The following CNTN5 variants were observed in gnomAD, a reference collection of about 807,000 sequenced individuals.
The protein encoded by CNTN5 is contactin 5.
Under a neutral mutation model 129.1 loss-of-function variants are expected in CNTN5, and 77 were observed. That is an observed-to-expected ratio of 0.60 (90% confidence interval 0.50 to 0.72). CNTN5 has a LOEUF of 0.72. CNTN5 is among the 30% of genes least tolerant of loss of function. The pLI is 0.00. For missense variants in CNTN5, 1,478 were observed against 1,328.8 expected, an observed-to-expected ratio of 1.11 and a Z score of -1.75; for synonymous variants, 509 against 465.6, an observed-to-expected ratio of 1.09 and a Z score of -1.20.
At chr11:99,036,071 T>G (rs1480896341) in intron 1 of CNTN5, among the ~76,000 whole-genome samples, 1 of 152,220 alleles carries the variant, frequency 6.6e-6, no homozygotes, top group Non-Finnish European at 1.5e-5. Context: ...TTGAAAATTC[T>G]TTTCTTTGAG....
At chr11:99,047,380 G>T (rs536341266) in intron 1 of CNTN5, among the ~76,000 whole-genome samples, 2 of 128,992 alleles carry the variant, frequency 1.6e-5, no homozygotes, top group Non-Finnish European at 1.6e-5. Context: ...TTGAATTTTG[G>T]CAAAAAAAAA....
At chr11:99,770,303 A>T (rs1398581824) in intron 3 of CNTN5, among the ~76,000 whole-genome samples, 1 of 152,162 alleles carries the variant, frequency 6.6e-6, no homozygotes, top group Non-Finnish European at 1.5e-5. Context: ...GGTACATTCA[A>T]AGAAGTCTCA....
chr11:99,073,373 G>GTTTTTTTTTTTT (rs1491116506), intron 1 of CNTN5, among the ~76,000 whole-genome samples: 2 of 87,330 alleles, frequency 2.3e-5, no homozygotes, highest in African/African-American at 8.2e-5. Flanking sequence ...TTTATGGTTT[G>GTTTTTTTTTTTT]GTTTTTTTTT....
intron 2 of CNTN5, among the ~76,000 whole-genome samples, chr11:99,446,926 T>A (rs1591072732): frequency 6.6e-6 from 1 of 152,192 alleles, no homozygotes; most frequent in Non-Finnish European, 1.5e-5. Context: ...TCTCCCCCTA[T>A]TTTTCTGGGC....
At chr11:99,534,256 A>G (rs960556690) in intron 2 of CNTN5, among the ~76,000 whole-genome samples, 13 of 152,210 alleles carry the variant, frequency 8.5e-5, no homozygotes, top group African/African-American at 3.1e-4. Flanking sequence ...ACGATAGTGT[A>G]ATTACCATTA....
chr11:100,311,516 C>A (rs1008493687), intron 21 of CNTN5, among the ~76,000 whole-genome samples: 2 of 151,926 alleles, frequency 1.3e-5, no homozygotes, highest in African/African-American at 2.4e-5. Flanking sequence ...AGTTTGTATG[C>A]ATATACCAGC....
At chr11:99,820,232 A>G (rs1396357959) in intron 4 of CNTN5, among the ~76,000 whole-genome samples, 1 of 152,296 alleles carries the variant, frequency 6.6e-6, no homozygotes, top group African/African-American at 2.4e-5. Context: ...ATTTAGGATT[A>G]AGACTAAATA....
intron 9 of CNTN5, among the ~76,000 whole-genome samples, chr11:100,026,481 G>A (rs1039804098): frequency 1.6e-4 from 24 of 152,090 alleles, no homozygotes; most frequent in Non-Finnish European, 2.9e-4. Flanking sequence ...CAAAATGACT[G>A]TACTATTTTG....
intron 2 of CNTN5, among the ~76,000 whole-genome samples, chr11:99,471,194 A>C (rs1945158686): frequency 6.6e-6 from 1 of 152,110 alleles, no homozygotes; most frequent in Non-Finnish European, 1.5e-5. Context: ...CTTAAACAGC[A>C]ATAAAAGGTA....
At chr11:99,571,344 A>G (rs556552578) in intron 3 of CNTN5, among the ~76,000 whole-genome samples, 1 of 152,294 alleles carries the variant, frequency 6.6e-6, no homozygotes, top group Non-Finnish European at 1.5e-5. Context: ...AATGCCTAGA[A>G]TAAGGGAGAG....
chr11:99,058,307 G>A (rs1248633713), intron 1 of CNTN5, among the ~76,000 whole-genome samples: 1 of 151,778 alleles, frequency 6.6e-6, no homozygotes, highest in Non-Finnish European at 1.5e-5. Context: ...CATAAGTGGT[G>A]GTAAAATAAA....
At chr11:99,267,920 GCACA>G (rs141288502) in intron 1 of CNTN5, among the ~76,000 whole-genome samples, 14,527 of 140,362 alleles carry the variant, frequency 0.1, 1,303 homozygotes, top group East Asian at 0.35. Flanking sequence ...ACACACACAC[GCACA>G]CACACACACA....
intron 17 of CNTN5, among the ~76,000 whole-genome samples, chr11:100,257,284 A>G (rs1291921674): frequency 6.6e-6 from 1 of 152,200 alleles, no homozygotes; most frequent in Non-Finnish European, 1.5e-5. Context: ...CAACAGCCCC[A>G]GTCAGGAGCT....
intron 21 of CNTN5, among the ~76,000 whole-genome samples, chr11:100,320,949 TG>T (rs1951679700): frequency 1.3e-5 from 2 of 152,178 alleles, no homozygotes; most frequent in South Asian, 4.1e-4. Context: ...ATGCTGTTTT[TG>T]TTACTATAGC....
chr11:99,447,367 G>T (rs1021293208), intron 2 of CNTN5, among the ~76,000 whole-genome samples: 14 of 151,996 alleles, frequency 9.2e-5, no homozygotes, highest in African/African-American at 3.1e-4. Context: ...TTGTCTCACT[G>T]ACCCTTTAAA....
chr11:99,345,040 G>A (rs1266857415), intron 2 of CNTN5, among the ~76,000 whole-genome samples: 4 of 152,126 alleles, frequency 2.6e-5, no homozygotes, highest in African/African-American at 9.7e-5. Context: ...ACCCCTGGAC[G>A]TGGAACCTTT....
chr11:100,107,239 G>C (rs1051197934), intron 13 of CNTN5, among the ~76,000 whole-genome samples: 2 of 151,956 alleles, frequency 1.3e-5, no homozygotes, highest in East Asian at 1.9e-4. Flanking sequence ...CTTCATGCCA[G>C]GTATCCTGCA....
chr11:99,642,226 A>G (rs1003369027), intron 3 of CNTN5, among the ~76,000 whole-genome samples: 1 of 152,340 alleles, frequency 6.6e-6, no homozygotes. Flanking sequence ...AACAAGATTC[A>G]GAGAGAAATT....
chr11:99,100,296 T>C (rs543180413), intron 1 of CNTN5, among the ~76,000 whole-genome samples: 1 of 152,236 alleles, frequency 6.6e-6, no homozygotes, highest in South Asian at 2.1e-4. Context: ...AGAAATAATA[T>C]AAAGCAAATT....
Sources: gnomAD v4.1 joint callset for allele counts (sites outside exome capture counted in the v4.1 genomes callset) on GRCh38, gnomAD v4.1.1 for gene constraint, MANE v1.5 for transcripts, NCBI Gene and HGNC (gene_info 2026-07-23, HGNC 2026-07-21) for gene names.